ZNF831: variants seen among roughly 807,000 people sequenced by gnomAD.
ZNF831 encodes the protein zinc finger protein 831.
A neutral mutation model predicts 95.8 loss-of-function variants in ZNF831; 59 were observed. The observed-to-expected ratio is 0.62, with a 90% CI of 0.50 to 0.77. ZNF831 has a LOEUF of 0.77. Ranked by LOEUF, ZNF831 falls within the 30% of genes least tolerant of loss-of-function variation. The pLI is 0.00. For missense variants in ZNF831, 2,205 were observed against 2,164.0 expected (o/e 1.02, Z -0.38); for synonymous variants, 961 against 925.5 (o/e 1.04, Z -0.70).
chr20:59,247,286 G>A (rs1177617892), intron 4 of ZNF831, among the ~76,000 whole-genome samples: 3 of 152,170 alleles, frequency 2.0e-5, no homozygotes, highest in Admixed American at 6.5e-5. Flanking sequence ...CAGCACCTTC[G>A]TGCTTTTTCT....
intron 1 of ZNF831, among the ~76,000 whole-genome samples, chr20:59,130,070 A>G (rs1979301209): frequency 6.6e-6 from 1 of 152,170 alleles, no homozygotes; most frequent in South Asian, 2.1e-4. Context: ...TGGTTTCCTC[A>G]TTTGTAAGAT....
At chr20:59,145,226 C>G (rs1979807185) in intron 1 of ZNF831, among the ~76,000 whole-genome samples, 1 of 152,220 alleles carries the variant, frequency 6.6e-6, no homozygotes, top group Non-Finnish European at 1.5e-5. Flanking sequence ...CTGGCCCAAT[C>G]TTGCTCTCTG....
intron 3 of ZNF831, among the ~76,000 whole-genome samples, 196 bp from the exon 4 acceptor site, chr20:59,206,709 C>A (rs114928365): frequency 0.013 from 2,009 of 152,292 alleles, 16 homozygotes; most frequent in African/African-American, 0.028. Context: ...GTTCCTACAA[C>A]AACCTCTGAA....
At chr20:59,130,233 G>T (rs1979306793) in intron 1 of ZNF831, among the ~76,000 whole-genome samples, 1 of 152,188 alleles carries the variant, frequency 6.6e-6, no homozygotes, top group African/African-American at 2.4e-5. Flanking sequence ...TCTCTTGGGT[G>T]GGTGTCGTGA....
At chr20:59,252,842 G>T (rs1987963345) in intron 4 of ZNF831, 136 bp from the exon 5 acceptor site, 2 of 846,776 alleles carry the variant, frequency 2.4e-6, no homozygotes, top group African/African-American at 1.7e-5. Flanking sequence ...GATAAATTGA[G>T]TTCTTGCACA....
At chr20:59,187,028 A>G (rs914386182) in intron 1 of ZNF831, among the ~76,000 whole-genome samples, 1 of 152,056 alleles carries the variant, frequency 6.6e-6, no homozygotes, top group East Asian at 1.9e-4. Context: ...AGCTGTGAAC[A>G]TGATGCTACT....
chr20:59,227,816 G>GA (rs1341393363), intron 4 of ZNF831, among the ~76,000 whole-genome samples: 1 of 151,146 alleles, frequency 6.6e-6, no homozygotes, highest in African/African-American at 2.4e-5. Flanking sequence ...TTCTCTTTTT[G>GA]AAAAAAATAC....
At chr20:59,223,724 A>G (rs1986250797) in intron 4 of ZNF831, among the ~76,000 whole-genome samples, 1 of 152,192 alleles carries the variant, frequency 6.6e-6, no homozygotes, top group Non-Finnish European at 1.5e-5. Context: ...TTGTGTGGTG[A>G]GGCCAGCTGG....
intron 4 of ZNF831, among the ~76,000 whole-genome samples, chr20:59,246,084 C>G (rs1335009380): frequency 1.3e-5 from 2 of 152,148 alleles, no homozygotes; most frequent in Non-Finnish European, 2.9e-5. Context: ...TGGGCCAGCT[C>G]ACCTCTCCCT....
chr20:59,174,228 C>T (rs957204018), intron 1 of ZNF831, among the ~76,000 whole-genome samples: 14 of 152,112 alleles, frequency 9.2e-5, no homozygotes, highest in African/African-American at 3.1e-4. Flanking sequence ...GCTGGCTTTA[C>T]GCGGCTTTAG....
intron 4 of ZNF831, among the ~76,000 whole-genome samples, chr20:59,218,783 A>T (rs1455660376): frequency 6.6e-6 from 1 of 151,942 alleles, no homozygotes; most frequent in Non-Finnish European, 1.5e-5. Flanking sequence ...GAGGCCAAGG[A>T]GGGCAGATCA....
chr20:59,222,984 G>A (rs946282349), intron 4 of ZNF831, among the ~76,000 whole-genome samples: 6 of 152,106 alleles, frequency 3.9e-5, no homozygotes, highest in Admixed American at 6.5e-5. Flanking sequence ...CTGTCGTCAC[G>A]GCCCCCGCAC....
At chr20:59,134,867 G>C (rs1979454349) in intron 1 of ZNF831, among the ~76,000 whole-genome samples, 1 of 152,148 alleles carries the variant, frequency 6.6e-6, no homozygotes, top group Non-Finnish European at 1.5e-5. Context: ...TCTTATAAAT[G>C]AGACTAATGA....
upstream of ZNF831, among the ~76,000 whole-genome samples, chr20:59,163,201 C>G (rs1056505626): frequency 6.6e-6 from 1 of 152,090 alleles, no homozygotes; most frequent in African/African-American, 2.4e-5. Context: ...TTGGTGGCAA[C>G]TTTAGGGTTT....
chr20:59,214,208 C>A (rs1452065303), intron 4 of ZNF831, among the ~76,000 whole-genome samples: 1 of 152,212 alleles, frequency 6.6e-6, no homozygotes, highest in African/African-American at 2.4e-5. Context: ...TCCCACGTGT[C>A]CCTGCTTCAC....
chr20:59,149,053 C>A (rs549725823), intron 2 of ZNF831, among the ~76,000 whole-genome samples: 19 of 152,310 alleles, frequency 1.2e-4, no homozygotes, highest in African/African-American at 4.6e-4. Context: ...GGTCTCCATC[C>A]CTTCCAGGCT....
intron 1 of ZNF831, among the ~76,000 whole-genome samples, chr20:59,186,093 T>TG (rs1983007955): frequency 6.6e-6 from 1 of 152,214 alleles, no homozygotes; most frequent in Non-Finnish European, 1.5e-5. Context: ...GCAGCTCACT[T>TG]GCCCCTGGGG....
intron 3 of ZNF831, among the ~76,000 whole-genome samples, chr20:59,201,466 A>G (rs1474555642): frequency 6.6e-6 from 1 of 152,112 alleles, no homozygotes; most frequent in Non-Finnish European, 1.5e-5. Context: ...TTAAAAAGCA[A>G]CTGTCTTTCA....
At chr20:59,213,657 C>A (rs779748442) in intron 4 of ZNF831, among the ~76,000 whole-genome samples, 22 of 152,166 alleles carry the variant, frequency 1.4e-4, no homozygotes, top group African/African-American at 5.1e-4. Flanking sequence ...GCCCCCAAAT[C>A]TTTGAGCATG....
Sources: allele counts gnomAD v4.1 joint callset (sites outside exome capture counted in the v4.1 genomes callset), GRCh38; gene constraint gnomAD v4.1.1; transcripts MANE v1.5; gene names NCBI Gene and HGNC (gene_info 2026-07-23, HGNC 2026-07-21).